HERPUD2: variants seen among roughly 807,000 people sequenced by gnomAD.
HERPUD2 encodes the protein homocysteine-responsive endoplasmic reticulum-resident ubiquitin-like domain member 2 protein.
HERPUD2 carries 13 observed loss-of-function variants against 49.9 expected under a neutral mutation model. That is an observed-to-expected ratio of 0.26 (90% CI 0.17 to 0.41). The LOEUF is 0.41. Ranked by LOEUF, HERPUD2 falls within the 10% of genes least tolerant of loss-of-function variation. HERPUD2 has a pLI of 1.00. For missense variants in HERPUD2, 449 were observed against 492.2 expected (o/e 0.91, Z 0.83); for synonymous variants, 172 against 171.4 (o/e 1.00, Z -0.03).
chr7:35,664,247 G>A (rs1785490758), intron 5 of HERPUD2, among the ~76,000 whole-genome samples: 1 of 152,158 alleles, frequency 6.6e-6, no homozygotes, highest in South Asian at 2.1e-4. Flanking sequence ...TAGAGTTTCT[G>A]CCGAGAGATC....
rs199736364 is a variant in HERPUD2, at chr7:35,684,402, GA to G, written c.147+9781del. 4.0e-3 allele frequency among the ~76,000 whole-genome samples: 510 copies of G among 128,602 alleles called. 4 individuals carry two copies. The highest frequency in any genetic ancestry group is 6.9e-3 in the Non-Finnish European group (401 of 58,254). The allele number at this position is 128,602 out of a possible 152,430, so 84.4% of individuals were successfully genotyped here. A position where few individuals can be genotyped will look rare whatever the true frequency, so the allele number is the denominator to read the frequency against. The stretch of plus-strand genomic sequence containing the variant: ...AAGACTCCACCTCAAAAAAGAAAAA[GA>G]AAAAAAAAAAAGATACTTGCACAAA... On this transcript the variant is annotated intron_variant, in intron 2 of 8. Transcript: ENST00000311350.
At chr7:35,640,851 G>A (rs1021207102) in intron 5 of HERPUD2, among the ~76,000 whole-genome samples, 15 of 152,234 alleles carry the variant, frequency 9.9e-5, no homozygotes, top group African/African-American at 3.4e-4. Context: ...GGAAAAAGAT[G>A]ATCAAATCTG....
At chr7:35,675,301 TCAG>T (rs1785738115) in intron 2 of HERPUD2, among the ~76,000 whole-genome samples, 1 of 152,178 alleles carries the variant, frequency 6.6e-6, no homozygotes, top group African/African-American at 2.4e-5. Flanking sequence ...TAGGAGAAAC[TCAG>T]TTAGTTTTTT....
intron 5 of HERPUD2, 147 bp from the exon 6 acceptor site, chr7:35,638,619 C>A: frequency 2.6e-6 from 2 of 783,852 alleles, no homozygotes; most frequent in Non-Finnish European, 3.9e-6. Context: ...AACGATTCTT[C>A]AAATAAGACA....
chr7:35,687,592 C>T (rs1050844363), intron 2 of HERPUD2, among the ~76,000 whole-genome samples: 19 of 152,224 alleles, frequency 1.2e-4, no homozygotes, highest in African/African-American at 4.6e-4. Context: ...ACCCACTTAA[C>T]AGACATTGCT....
intron 3 of HERPUD2, among the ~76,000 whole-genome samples, 182 bp from the exon 4 acceptor site, chr7:35,670,510 A>G (rs964324584): frequency 2.5e-4 from 38 of 151,968 alleles, no homozygotes; most frequent in African/African-American, 8.5e-4. Context: ...TTTGAATTCA[A>G]TATTTTCTCC....
intron 5 of HERPUD2, among the ~76,000 whole-genome samples, chr7:35,641,868 G>C (rs1206419201): frequency 6.6e-6 from 1 of 152,076 alleles, no homozygotes; most frequent in Non-Finnish European, 1.5e-5. Flanking sequence ...AATCCTGTAA[G>C]ACAACCTAGG....
chr7:35,678,940 T>G (rs1207215837), intron 2 of HERPUD2, among the ~76,000 whole-genome samples: 1 of 152,164 alleles, frequency 6.6e-6, no homozygotes, highest in African/African-American at 2.4e-5. Flanking sequence ...GGACTACTGA[T>G]CAAAATACAT....
intron 6 of HERPUD2, 55 bp downstream of exon 6, chr7:35,638,295 A>C: frequency 6.7e-7 from 1 of 1,486,224 alleles, no homozygotes; most frequent in Non-Finnish European, 9.1e-7. Context: ...GATAAAAAGA[A>C]AATAAAGCAA....
intron 4 of HERPUD2, 101 bp downstream of exon 4, chr7:35,670,113 CT>C: frequency 1.9e-6 from 1 of 520,252 alleles, no homozygotes; most frequent in Non-Finnish European, 3.4e-6. Context: ...AATTCACAAG[CT>C]CCAATTGTTC....
chr7:35,660,562 T>C (rs1437650699), intron 5 of HERPUD2, among the ~76,000 whole-genome samples: 1 of 152,238 alleles, frequency 6.6e-6, no homozygotes, highest in East Asian at 1.9e-4. Flanking sequence ...TTTTTAATGA[T>C]CGCCATTCTA....
chr7:35,659,458 T>TA (rs1785361588), intron 5 of HERPUD2, among the ~76,000 whole-genome samples: 1 of 152,250 alleles, frequency 6.6e-6, no homozygotes, highest in Non-Finnish European at 1.5e-5. Flanking sequence ...CATTCACTTA[T>TA]AAGGATGAAA....
At chr7:35,668,708 A>G (rs1459706840) in intron 4 of HERPUD2, 2 of 153,564 alleles carry the variant, frequency 1.3e-5, no homozygotes, top group Non-Finnish European at 2.9e-5. Context: ...GATATCAAAT[A>G]TCTTACTAAG....
At chr7:35,686,747 C>CAAAAA (rs1187930200) in intron 2 of HERPUD2, among the ~76,000 whole-genome samples, 461 of 20,576 alleles carry the variant, frequency 0.022, 94 homozygotes, top group Non-Finnish European at 0.027. Flanking sequence ...AAAAAAAAAC[C>CAAAAA]AAACCCATTT....
At chr7:35,647,335 C>T (rs1244858383) in intron 5 of HERPUD2, among the ~76,000 whole-genome samples, 2 of 152,180 alleles carry the variant, frequency 1.3e-5, no homozygotes, top group Admixed American at 1.3e-4. Context: ...TCCCACCCTC[C>T]TCCAGGCTCC....
At chr7:35,685,140 C>T (rs896313762) in intron 2 of HERPUD2, among the ~76,000 whole-genome samples, 3 of 151,440 alleles carry the variant, frequency 2.0e-5, no homozygotes, top group Non-Finnish European at 4.4e-5. Flanking sequence ...ACTTAGTAGG[C>T]TGGGGTAGGA....
chr7:35,683,867 A>G (rs1262232601), intron 2 of HERPUD2, among the ~76,000 whole-genome samples: 2 of 152,236 alleles, frequency 1.3e-5, no homozygotes, highest in Admixed American at 1.3e-4. Context: ...ATACCACCTT[A>G]CTGCTGCAGG....
chr7:35,646,074 C>G (rs1319978916), intron 5 of HERPUD2, among the ~76,000 whole-genome samples: 1 of 152,100 alleles, frequency 6.6e-6, no homozygotes, highest in African/African-American at 2.4e-5. Flanking sequence ...TCTCTAGCAT[C>G]TAGCACAATA....
intron 5 of HERPUD2, among the ~76,000 whole-genome samples, chr7:35,643,042 A>G (rs1338908821): frequency 1.3e-5 from 2 of 152,182 alleles, no homozygotes; most frequent in Non-Finnish European, 1.5e-5. Flanking sequence ...TGAAATATGG[A>G]AAAAAACTTC....
Sources: gnomAD v4.1 joint callset for allele counts (sites outside exome capture counted in the v4.1 genomes callset) on GRCh38, gnomAD v4.1.1 for gene constraint, MANE v1.5 for transcripts, NCBI Gene and HGNC (gene_info 2026-07-23, HGNC 2026-07-21) for gene names.